RNPC3: variants seen among roughly 807,000 people sequenced by gnomAD.
RNPC3 encodes the protein RNA binding region (RNP1, RRM) containing 3, also known as RNA-binding region-containing protein 3.
A neutral mutation model predicts 67.5 loss-of-function variants in RNPC3; 48 were observed. That is an observed-to-expected ratio of 0.71 (90% confidence interval 0.56 to 0.90). The LOEUF is 0.90. Among genes scored for constraint, RNPC3 ranks in the 40% least tolerant of loss-of-function variants. The pLI, the probability that RNPC3 is intolerant of heterozygous loss-of-function variation, is 0.00. For synonymous variants in RNPC3, 239 were observed against 210.3 expected (o/e 1.14, Z -1.18); for missense variants, 637 against 626.1 (o/e 1.02, Z -0.19).
At chr1:103,544,352 T>G (rs1192273374) in intron 9 of RNPC3, among the ~76,000 whole-genome samples, 2 of 151,856 alleles carry the variant, frequency 1.3e-5, no homozygotes, top group African/African-American at 4.8e-5. Flanking sequence ...CATGGTCTCT[T>G]TTTTGAAGTT....
rs1320628323 is a variant in RNPC3 at position 103,543,363 on chromosome 1, A to G, written c.961A>G (p.Ile321Val). 14 of 1,520,024 alleles carry G rather than the reference A, an allele frequency of 9.2e-6. No homozygotes were observed. Among genetic ancestry groups the G allele is most frequent in the East Asian group, 2.5e-5 (1 of 39,560 alleles). The allele number at this position is 1,520,024 out of a possible 1,614,324, so 94.2% of individuals were successfully genotyped here. A position where few individuals can be genotyped will look rare whatever the true frequency, so the allele number is the denominator to read the frequency against. Residue 321 changes from isoleucine (I) to valine (V), a missense_variant, in exon 9 of 15, where the codon ATT (isoleucine) becomes GTT (valine). Ile to Val is a conservative substitution (Grantham distance 29, BLOSUM62 3). This residue lies in a region of RNPC3 where 536 missense variants were observed against 500.3 expected (regional missense o/e 1.07). Coordinates refer to ENST00000423855, the MANE Select transcript of RNPC3 (RefSeq NM_017619.4). The stretch of plus-strand genomic sequence containing the variant: ...ACCACAACCTGTAGGTAACAAAAGA[A>G]TTGAATTCCATATATCTACCGACAT... The part of the protein sequence containing the change: ...DQPQPVGNKR[I>V]EFHISTDMPA...
intron 12 of RNPC3, among the ~76,000 whole-genome samples, chr1:103,549,915 C>T (rs1651343568): frequency 6.6e-6 from 1 of 151,672 alleles, no homozygotes; most frequent in Non-Finnish European, 1.5e-5. Flanking sequence ...GTAATCCTAG[C>T]ACATTGGGAG....
chr1:103,537,602 G>A (rs1456555218), intron 7 of RNPC3, 118 bp downstream of exon 7: 1 of 785,392 alleles, frequency 1.3e-6, no homozygotes, highest in African/African-American at 1.8e-5. Context: ...ATTAGAATTT[G>A]TCCTCAGCCC....
At chr1:103,537,802 G>A (rs1651021114) in intron 7 of RNPC3, among the ~76,000 whole-genome samples, 1 of 151,896 alleles carries the variant, frequency 6.6e-6, no homozygotes, top group African/African-American at 2.4e-5. Context: ...ATTTATTTGT[G>A]ACTTCAAAAT....
At chr1:103,528,289 C>T (rs1280660706) in intron 2 of RNPC3, among the ~76,000 whole-genome samples, 1 of 152,092 alleles carries the variant, frequency 6.6e-6, no homozygotes, top group Non-Finnish European at 1.5e-5. Context: ...AGTAGGTGGA[C>T]ACTTGATACT....
At chr1:103,536,052 T>G in intron 5 of RNPC3, 74 bp from the exon 6 acceptor site, 1 of 1,137,132 alleles carries the variant, frequency 8.8e-7, no homozygotes, top group East Asian at 2.6e-5. Context: ...TATAGCAAAG[T>G]TTCTTAGTAC....
Position 103,543,233 on chromosome 1 carries a change from A to G in RNPC3, c.894-63A>G. 3 of 1,183,478 alleles carry G rather than the reference A, an allele frequency of 2.5e-6. No homozygotes were observed. The African/African-American group carries it at 4.8e-5, about 19-fold the overall frequency. 73.3% of individuals were successfully genotyped at this position (1,183,478 alleles called of 1,614,324 possible). The stretch of plus-strand genomic sequence containing the variant: ...TTTTAAAATTTAAAATAAACTTGAA[A>G]TAATATTTTACTCAGGATTTTATTT... On this transcript the variant is annotated intron_variant, in intron 8 of 14. Transcript: ENST00000423855.
At position 103,541,407 on chromosome 1, in the gene RNPC3, G is replaced by A. The variant is rs1271658886; in HGVS notation, c.825G>A (p.Lys275=). 2.0e-6 allele frequency: 3 copies of A among 1,501,546 alleles called. No homozygotes were observed. Among genetic ancestry groups the A allele is most frequent in the Non-Finnish European group, 2.6e-6 (3 of 1,135,072 alleles). The allele number at this position is 1,501,546 out of a possible 1,614,324, so 93.0% of individuals were successfully genotyped here. Residue 275 remains lysine, a synonymous_variant, in exon 8 of 15, where the codon AAG becomes AAA. Transcript: ENST00000423855. ...AGCCCAAAAGACCTAAAACAATAAA[G>A]CAGCGCCATGTGAGAAAAAAGAGAA... ...NLQPKRPKTI[K]QRHVRKKRKI...
chr1:103,545,330 A>G (rs1651217492), intron 10 of RNPC3: 3 of 337,492 alleles, frequency 8.9e-6, no homozygotes, highest in South Asian at 4.1e-5. Context: ...TTTAGGAAAA[A>G]ATTTTGTTTT....
rs140352374 is a variant in RNPC3 at position 103,538,385 on chromosome 1, T to G, written c.767+901T>G. 6.6e-3 allele frequency among the ~76,000 whole-genome samples: 1,008 copies of G among 152,290 alleles called. 17 individuals carry two copies. Among genetic ancestry groups the G allele is most frequent in the African/African-American group, 0.023 (962 of 41,542 alleles). ...TTTAAAATGGCCCTTGAGCATGGTG[T>G]TGAAGTGCTCTTTAGTGTTCCTGAG... On this transcript the variant is annotated intron_variant, in intron 7 of 14. Coordinates refer to ENST00000423855, the MANE Select transcript of RNPC3 (RefSeq NM_017619.4).
chr1:103,547,756 C>G (rs1360816947), intron 12 of RNPC3, among the ~76,000 whole-genome samples: 1 of 152,178 alleles, frequency 6.6e-6, no homozygotes, highest in Non-Finnish European at 1.5e-5. Flanking sequence ...GTTATAAAAG[C>G]TAATGTGTTA....
chr1:103,551,345 T>A (rs535965373), intron 13 of RNPC3: 1 of 402,536 alleles, frequency 2.5e-6, no homozygotes, highest in Non-Finnish European at 4.4e-6. Flanking sequence ...GCTAAGAGAC[T>A]AGAGTATCCA....
chr1:103,552,130 T>C (rs1314906703), intron 14 of RNPC3: 1 of 158,086 alleles, frequency 6.3e-6, no homozygotes, highest in East Asian at 1.8e-4. Flanking sequence ...CGTAGGTTCC[T>C]TCCTTCCCTG....
At position 103,541,682 on chromosome 1, in the gene RNPC3, T is replaced by C. The variant is rs559152660; in HGVS notation, c.893+207T>C. ...CTGTCGTAAGCCTTAAGGTATTTGC[T>C]TCCAGCTTCCTGTCTGCAGACTCAG... On this transcript the variant is annotated intron_variant, in intron 8 of 14. Coordinates refer to ENST00000423855, the MANE Select transcript of RNPC3 (RefSeq NM_017619.4). Among the ~76,000 whole-genome samples the C allele has an allele frequency of 3.3e-5, 5 of 152,242 alleles. No individual in the cohort carries two copies. In the South Asian group the frequency reaches 1.0e-3, roughly 32 times the overall value.
intron 11 of RNPC3, 67 bp from the exon 12 acceptor site, chr1:103,546,910 A>T: frequency 1.3e-6 from 1 of 779,152 alleles, no homozygotes; most frequent in Non-Finnish European, 2.1e-6. Context: ...GCATTGATGT[A>T]TTTATTTATT....
At chr1:103,537,314 A>T in intron 6 of RNPC3, 28 bp from the exon 7 acceptor site, 1 of 1,480,880 alleles carries the variant, frequency 6.8e-7, no homozygotes, top group Non-Finnish European at 9.0e-7. Context: ...GGACTGCCAT[A>T]GTATTTTTGT....
intron 2 of RNPC3, among the ~76,000 whole-genome samples, chr1:103,529,953 T>C (rs1650807728): frequency 6.6e-6 from 1 of 152,134 alleles, no homozygotes; most frequent in Admixed American, 6.5e-5. Flanking sequence ...TGGCCCCTGT[T>C]GTGAACTGCA....
At chr1:103,536,817 G>T (rs1650997843) in intron 6 of RNPC3, among the ~76,000 whole-genome samples, 1 of 151,484 alleles carries the variant, frequency 6.6e-6, no homozygotes, top group Non-Finnish European at 1.5e-5. Context: ...CTCAATGCTT[G>T]ATATATTACT....
intron 10 of RNPC3, 171 bp from the exon 11 acceptor site, chr1:103,546,077 T>C (rs1173282247): frequency 1.1e-5 from 4 of 356,548 alleles, no homozygotes; most frequent in African/African-American, 8.5e-5. Flanking sequence ...TGTTACTAAT[T>C]AGTTCATATG....
Sources: allele counts gnomAD v4.1 joint callset (sites outside exome capture counted in the v4.1 genomes callset), GRCh38; gene constraint gnomAD v4.1.1; regional missense constraint gnomAD v4.1.1; transcripts MANE v1.5; gene names NCBI Gene and HGNC (gene_info 2026-07-23, HGNC 2026-07-21).